ACTR3C: variants seen among roughly 807,000 people sequenced by gnomAD.
The protein encoded by ACTR3C is actin related protein 3C, also known as actin-related protein 3C.
ACTR3C carries 18 observed loss-of-function variants against 26.3 expected under a neutral mutation model. The observed-to-expected ratio is 0.68, with a 90% CI of 0.47 to 1.01. The LOEUF is 1.01. Ranked by LOEUF, ACTR3C falls within the 50% of genes least tolerant of loss-of-function variation. The pLI is 0.00. For missense variants in ACTR3C, 184 were observed against 250.7 expected (o/e 0.73, Z 1.80); for synonymous variants, 55 against 94.5 (o/e 0.58, Z 2.42).
At chr7:150,249,126 A>G (rs918063173) in intron 6 of ACTR3C, 72 bp from the exon 7 acceptor site, 2 of 492,684 alleles carry the variant, frequency 4.1e-6, no homozygotes, top group African/African-American at 3.9e-5. Context: ...TCACATTTGT[A>G]TACTTGGAGT....
At chr7:149,982,972 G>A in the ACTR3C span, among the ~76,000 whole-genome samples, 3 of 152,154 alleles carry the variant, frequency 2.0e-5, no homozygotes, top group Non-Finnish European at 2.9e-5. Flanking sequence ...GATCTTAAAG[G>A]AAAAGCGTTT....
the ACTR3C span, among the ~76,000 whole-genome samples, chr7:149,938,287 T>A: frequency 6.6e-5 from 10 of 152,338 alleles, no homozygotes; most frequent in East Asian, 1.2e-3. Context: ...CTTTGAGGAA[T>A]GTTGTTTCAT....
chr7:150,008,783 T>A, the ACTR3C span, among the ~76,000 whole-genome samples: 1 of 150,830 alleles, frequency 6.6e-6, no homozygotes, highest in African/African-American at 2.5e-5. Flanking sequence ...AGGCAGGAAC[T>A]TCAGGGCTTC....
the ACTR3C span, among the ~76,000 whole-genome samples, chr7:150,143,582 C>T: frequency 4.6e-5 from 7 of 152,204 alleles, no homozygotes; most frequent in Non-Finnish European, 1.0e-4. Flanking sequence ...CACCCTGAGT[C>T]CTCTTCCCTG....
chr7:150,134,150 T>A, the ACTR3C span, among the ~76,000 whole-genome samples: 1 of 150,264 alleles, frequency 6.7e-6, no homozygotes, highest in Non-Finnish European at 1.5e-5. Flanking sequence ...AACACAAGTA[T>A]ACATATGTAA....
At chr7:150,161,217 TATATA>T in the ACTR3C span, among the ~76,000 whole-genome samples, 1 of 129,830 alleles carries the variant, frequency 7.7e-6, no homozygotes, top group South Asian at 2.4e-4. Flanking sequence ...TATATATATA[TATATA>T]TATTTATTAT....
the ACTR3C span, among the ~76,000 whole-genome samples, chr7:150,065,817 A>G: frequency 0.13 from 19,194 of 150,222 alleles, 1,377 homozygotes; most frequent in South Asian, 0.23. Flanking sequence ...GGCCAAACAA[A>G]TTAATGGACT....
At chr7:150,154,910 C>A in the ACTR3C span, among the ~76,000 whole-genome samples, 1 of 152,160 alleles carries the variant, frequency 6.6e-6, no homozygotes, top group South Asian at 2.1e-4. Context: ...TCTACAACAA[C>A]CTATTTACAT....
At chr7:150,140,004 TCACA>T in the ACTR3C span, among the ~76,000 whole-genome samples, 1,249 of 151,612 alleles carry the variant, frequency 8.2e-3, 11 homozygotes, top group African/African-American at 0.028. Context: ...GCACACACAT[TCACA>T]CACACATGCA....
chr7:150,066,518 A>T, the ACTR3C span, among the ~76,000 whole-genome samples: 1 of 152,236 alleles, frequency 6.6e-6, no homozygotes, highest in East Asian at 1.9e-4. Context: ...ATTAGGTTGT[A>T]CTATTTCCTA....
chr7:150,172,538 AG>A, the ACTR3C span, among the ~76,000 whole-genome samples: 1 of 150,436 alleles, frequency 6.6e-6, no homozygotes, highest in African/African-American at 2.5e-5. Flanking sequence ...AGATTTGGGT[AG>A]GGACAGAGCC....
the ACTR3C span, among the ~76,000 whole-genome samples, chr7:150,132,836 A>G: frequency 5.5e-4 from 84 of 152,300 alleles, 1 homozygote; most frequent in East Asian, 0.014. Context: ...TAGCAAAAAC[A>G]TGGAATCAAC....
the ACTR3C span, among the ~76,000 whole-genome samples, chr7:150,185,939 A>C: frequency 4.5e-4 from 68 of 152,234 alleles, no homozygotes; most frequent in African/African-American, 1.5e-3. Flanking sequence ...ACTGCTCTGC[A>C]TAACAACTTC....
the ACTR3C span, among the ~76,000 whole-genome samples, chr7:149,924,842 G>A: frequency 2.0e-5 from 3 of 151,964 alleles, no homozygotes; most frequent in African/African-American, 7.3e-5. Context: ...TGGCCAAGCT[G>A]GTCTCAAATT....
intron 1 of ACTR3C, chr7:150,322,551 A>G (rs1797645197): frequency 6.6e-6 from 1 of 152,242 alleles, no homozygotes; most frequent in Non-Finnish European, 1.5e-5. Flanking sequence ...TATATGGTCT[A>G]AAAAGGGGAG....
At chr7:150,010,127 G>C in the ACTR3C span, among the ~76,000 whole-genome samples, 1 of 152,184 alleles carries the variant, frequency 6.6e-6, no homozygotes, top group South Asian at 2.1e-4. Context: ...TGGGCATTCT[G>C]TCAGCCCCGT....
the ACTR3C span, among the ~76,000 whole-genome samples, chr7:150,037,485 C>T: frequency 4.0e-4 from 18 of 45,154 alleles, 5 homozygotes; most frequent in Admixed American, 5.2e-4. Flanking sequence ...ATGGGGGTAG[C>T]AACAGCCGGG....
the ACTR3C span, among the ~76,000 whole-genome samples, chr7:149,948,277 A>ATG: frequency 2.9e-5 from 3 of 102,636 alleles, no homozygotes; most frequent in Non-Finnish European, 5.6e-5. Flanking sequence ...TGTGAGCATC[A>ATG]CAGGTGACAG....
the ACTR3C span, among the ~76,000 whole-genome samples, chr7:149,945,467 T>C: frequency 2.8e-3 from 419 of 152,296 alleles, 1 homozygote; most frequent in Admixed American, 4.0e-3. Flanking sequence ...GAAGTGACAG[T>C]ATTGCCAGTC....
Sources: gnomAD v4.1 joint callset for allele counts (sites outside exome capture counted in the v4.1 genomes callset) on GRCh38, gnomAD v4.1.1 for gene constraint, MANE v1.5 for transcripts, NCBI Gene and HGNC (gene_info 2026-07-23, HGNC 2026-07-21) for gene names.